The following NKAIN3 variants were observed in gnomAD, a reference collection of about 807,000 sequenced individuals.
The protein encoded by NKAIN3 is sodium/potassium-transporting ATPase subunit beta-1-interacting protein 3.
Under a neutral mutation model 30.2 loss-of-function variants are expected in NKAIN3, and 25 were observed. That is an observed-to-expected ratio of 0.83 (90% CI 0.60 to 1.16). NKAIN3 has a LOEUF of 1.16. Ranked by LOEUF, NKAIN3 falls within the 50% of genes most tolerant of loss-of-function variation. NKAIN3 has a pLI of 0.00. For missense variants in NKAIN3, 225 were observed against 254.1 expected, an observed-to-expected ratio of 0.89 and a Z score of 0.78; for synonymous variants, 91 against 89.6, an observed-to-expected ratio of 1.02 and a Z score of -0.09.
At chr8:62,642,167 G>C (rs1177328448) in intron 3 of NKAIN3, among the ~76,000 whole-genome samples, 1 of 152,098 alleles carries the variant, frequency 6.6e-6, no homozygotes, top group African/African-American at 2.4e-5. Context: ...ACACCCATCT[G>C]TTCTGAGCTT....
chr8:62,318,497 T>A (rs950719380), intron 1 of NKAIN3, among the ~76,000 whole-genome samples: 5 of 152,246 alleles, frequency 3.3e-5, no homozygotes, highest in African/African-American at 1.2e-4. Context: ...TTGAGAGTTT[T>A]TAGCAATGAA....
At chr8:62,514,592 G>C (rs769711259) in intron 1 of NKAIN3, among the ~76,000 whole-genome samples, 27 of 152,080 alleles carry the variant, frequency 1.8e-4, no homozygotes, top group Non-Finnish European at 3.5e-4. Context: ...CTTAAATGTA[G>C]GCTGATAGTA....
At chr8:62,292,699 C>A (rs563318889) in intron 1 of NKAIN3, among the ~76,000 whole-genome samples, 4 of 152,266 alleles carry the variant, frequency 2.6e-5, no homozygotes, top group African/African-American at 9.6e-5. Flanking sequence ...TTTGGTGAAT[C>A]TGACAATTAT....
intron 4 of NKAIN3, among the ~76,000 whole-genome samples, chr8:62,835,262 C>A (rs1203144070): frequency 6.6e-6 from 1 of 152,052 alleles, no homozygotes; most frequent in African/African-American, 2.4e-5. Flanking sequence ...TTGGCTTTAG[C>A]AAATAATTTA....
intron 1 of NKAIN3, among the ~76,000 whole-genome samples, chr8:62,340,467 G>A (rs1002849600): frequency 1.3e-5 from 2 of 151,934 alleles, no homozygotes; most frequent in African/African-American, 4.8e-5. Context: ...CTTTGTGGGT[G>A]AAATAGGAGA....
intron 3 of NKAIN3, among the ~76,000 whole-genome samples, chr8:62,610,483 A>G (rs1811255726): frequency 6.6e-6 from 1 of 152,132 alleles, no homozygotes; most frequent in African/African-American, 2.4e-5. Flanking sequence ...TGCATGAGAC[A>G]GAGGTGTGTC....
chr8:62,292,840 C>G (rs1813696359), intron 1 of NKAIN3, among the ~76,000 whole-genome samples: 1 of 152,170 alleles, frequency 6.6e-6, no homozygotes, highest in Admixed American at 6.5e-5. Context: ...CAACTTGGTT[C>G]CATTCTCCCC....
At chr8:62,960,515 A>G (rs141324818) in intron 6 of NKAIN3, among the ~76,000 whole-genome samples, 1,709 of 152,216 alleles carry the variant, frequency 0.011, 28 homozygotes, top group Middle Eastern at 0.024. Context: ...CACCCCTGAA[A>G]AAAAAAATCA....
intron 4 of NKAIN3, among the ~76,000 whole-genome samples, chr8:62,913,534 C>T (rs982491164): frequency 7.2e-5 from 11 of 152,120 alleles, no homozygotes; most frequent in African/African-American, 1.7e-4. Flanking sequence ...CAGTGACGAT[C>T]GTGTTGGGTG....
In NKAIN3 at chr8:62,971,129, G is replaced by T. The variant is rs1585634271; in HGVS notation, c.*5722G>T. Among the ~76,000 whole-genome samples, 4 of 152,020 alleles carry T rather than the reference G, an allele frequency of 2.6e-5. No individual in the cohort carries two copies. The highest frequency in any genetic ancestry group is 9.7e-5 in the African/African-American group (4 of 41,360). ...TAAGACCATAACATGACTCAAAATG[G>T]CTGCTGAAGCTTCAGCCATTGGTTT... is the stretch of plus-strand genomic sequence containing the variant. On this transcript the variant is annotated 3_prime_UTR_variant, in exon 7 of 7. Coordinates refer to ENST00000623646, the MANE Select transcript of NKAIN3 (RefSeq NM_001304533.3).
intron 1 of NKAIN3, among the ~76,000 whole-genome samples, chr8:62,368,290 C>G (rs1816800107): frequency 6.6e-6 from 1 of 152,252 alleles, no homozygotes; most frequent in African/African-American, 2.4e-5. Context: ...TATCATAGTA[C>G]TTGATCTCAA....
chr8:62,871,331 A>G (rs1056270956), intron 4 of NKAIN3, among the ~76,000 whole-genome samples: 42 of 151,544 alleles, frequency 2.8e-4, no homozygotes, highest in Non-Finnish European at 4.9e-4. Context: ...CGAACTCAGA[A>G]GGCAGAGGTT....
At chr8:62,698,838 C>T (rs1049669968) in intron 3 of NKAIN3, among the ~76,000 whole-genome samples, 2 of 152,094 alleles carry the variant, frequency 1.3e-5, no homozygotes, top group South Asian at 2.1e-4. Flanking sequence ...GACGGAACCA[C>T]GCAACAATCC....
At chr8:62,291,807 C>T (rs957748862) in intron 1 of NKAIN3, among the ~76,000 whole-genome samples, 21 of 152,070 alleles carry the variant, frequency 1.4e-4, no homozygotes, top group African/African-American at 5.1e-4. Context: ...CATTCTGTCT[C>T]GTTGATCTGT....
At chr8:62,258,658 TAAAAAAGA>T (rs201976825) in intron 1 of NKAIN3, among the ~76,000 whole-genome samples, 2,217 of 151,208 alleles carry the variant, frequency 0.015, 48 homozygotes, top group African/African-American at 0.048. Flanking sequence ...AGACACTGTC[TAAAAAAGA>T]AAAAAAGAAA....
chr8:62,315,464 A>AAGTTGATTT (rs1157869129), intron 1 of NKAIN3, among the ~76,000 whole-genome samples: 1 of 152,208 alleles, frequency 6.6e-6, no homozygotes, highest in Non-Finnish European at 1.5e-5. Context: ...TATTTCATAG[A>AAGTTGATTT]AGTTGATTTT....
intron 4 of NKAIN3, among the ~76,000 whole-genome samples, chr8:62,797,371 C>A (rs1421684046): frequency 1.3e-5 from 2 of 152,106 alleles, no homozygotes; most frequent in Admixed American, 1.3e-4. Context: ...AAAATGTGTA[C>A]ACATGTAAGT....
At chr8:62,383,653 G>A in intron 1 of NKAIN3, 1 of 397,628 alleles carries the variant, frequency 2.5e-6, no homozygotes, top group Non-Finnish European at 5.0e-6. Flanking sequence ...TTCTTTTCTG[G>A]CATTAAATTC....
At chr8:62,699,596 G>A (rs2130464079) in intron 3 of NKAIN3, among the ~76,000 whole-genome samples, 1 of 152,256 alleles carries the variant, frequency 6.6e-6, no homozygotes, top group East Asian at 1.9e-4. Context: ...TCTCTTAGTT[G>A]AACTTAAGAT....
Sources: gnomAD v4.1 joint callset for allele counts (sites outside exome capture counted in the v4.1 genomes callset) on GRCh38, gnomAD v4.1.1 for gene constraint, MANE v1.5 for transcripts, NCBI Gene and HGNC (gene_info 2026-07-23, HGNC 2026-07-21) for gene names.